The following DNAH17 variants were observed in gnomAD, a reference collection of about 807,000 sequenced individuals.
DNAH17 encodes the protein axonemal beta dynein heavy chain 17.
DNAH17 carries 376 observed loss-of-function variants against 485.6 expected under a neutral mutation model. The observed-to-expected ratio is 0.77, with a 90% confidence interval of 0.71 to 0.84. DNAH17 has a LOEUF of 0.84. Ranked by LOEUF, DNAH17 falls within the 40% of genes least tolerant of loss-of-function variation. The probability of loss-of-function intolerance (pLI) is 0.00; values close to 1 mark genes in which losing one functional copy is unlikely to be tolerated. For missense variants in DNAH17, 6,370 were observed against 5,839.3 expected, an observed-to-expected ratio of 1.09 and a Z score of -2.96; for synonymous variants, 3,031 against 2,405.9, an observed-to-expected ratio of 1.26 and a Z score of -7.60.
intron 26 of DNAH17, among the ~76,000 whole-genome samples, chr17:78,512,669 C>T (rs147461164): frequency 5.5e-4 from 83 of 152,186 alleles, no homozygotes; most frequent in African/African-American, 1.7e-3. Flanking sequence ...AGGCCAGGTG[C>T]GGTGGCTCAC....
chr17:78,577,076 A>T (rs12451755), intron 1 of DNAH17, among the ~76,000 whole-genome samples: 35,388 of 152,100 alleles, frequency 0.23, 5,136 homozygotes, highest in East Asian at 0.59. Context: ...AGGAGCAGGG[A>T]AGAGTCTGGA....
chr17:78,508,636 G>A (rs2143049920), intron 27 of DNAH17, among the ~76,000 whole-genome samples: 1 of 152,270 alleles, frequency 6.6e-6, no homozygotes, highest in East Asian at 1.9e-4. Context: ...TGAAAGTGTG[G>A]AAGAGGGGGA....
intron 17 of DNAH17, 166 bp downstream of exon 17, chr17:78,543,691 C>G (rs914633357): frequency 9.8e-7 from 1 of 1,024,820 alleles, no homozygotes; most frequent in African/African-American, 1.6e-5. Flanking sequence ...TCCCAGAGTG[C>G]TGGGATTACA....
chr17:78,469,838 T>C (rs1015247506), intron 54 of DNAH17, among the ~76,000 whole-genome samples: 5 of 152,056 alleles, frequency 3.3e-5, no homozygotes, highest in African/African-American at 1.2e-4. Context: ...ACAAATACCG[T>C]GTGATTCCAC....
At chr17:78,440,652 T>TCCC (rs1221165601) in intron 72 of DNAH17, among the ~76,000 whole-genome samples, 6 of 152,170 alleles carry the variant, frequency 3.9e-5, no homozygotes, top group Non-Finnish European at 7.4e-5. Flanking sequence ...TTAATGGACA[T>TCCC]TTGGGTTGTT....
chr17:78,468,767 C>T lies in DNAH17; in HGVS notation c.8628G>A (p.Leu2876=), dbSNP rs752951670. Residue 2876 remains leucine (L), a synonymous_variant, in exon 55 of 81, where the codon CTG becomes CTA. Coordinates refer to ENST00000389840, the MANE Select transcript of DNAH17 (RefSeq NM_173628.4). ...EQFLVLINDL[L]ASGEIPGLFM... ...ACAGCCCAGGGATCTCTCCTGAGGCCAGCAGGTCATTGATCAGCACCAGAA... is the reference window on the plus strand; with the variant it reads ...ACAGCCCAGGGATCTCTCCTGAGGCTAGCAGGTCATTGATCAGCACCAGAA... The T allele has an allele frequency of 1.4e-5, 23 of 1,613,940 alleles. No individual in the cohort carries two copies. Among genetic ancestry groups the T allele is most frequent in the Non-Finnish European group, 1.7e-5 (20 of 1,179,912 alleles).
chr17:78,461,577 G>C lies in DNAH17; in HGVS notation c.9306C>G (p.Asp3102Glu). 1 of 1,602,222 alleles carries C rather than the reference G, an allele frequency of 6.2e-7. No homozygotes were observed. The highest frequency in any genetic ancestry group is 8.5e-7 in the Non-Finnish European group (1 of 1,175,428). Residue 3102 changes from aspartate to glutamate, a missense_variant, in exon 58 of 81, where the codon GAC becomes GAG. By Grantham distance (45) the Asp-to-Glu change is conservative (BLOSUM62 2). Transcript: ENST00000389840. ...EKVSKEKAIA[D>E]QEEVKVEVIN... is the part of the protein sequence containing the mutation. ...TGACCTCGACCTTGACTTCTTCCTGGTCAGCAATGGCCTTCTCTTTGCTGA... is the reference window on the plus strand; with the variant it reads ...TGACCTCGACCTTGACTTCTTCCTGCTCAGCAATGGCCTTCTCTTTGCTGA...
rs764191729 is a variant in DNAH17 at position 78,494,828 on chromosome 17, C to T, written c.6043-8G>A. On this transcript the variant is annotated splice_polypyrimidine_tract_variant and splice_region_variant and intron_variant, in intron 39 of 80. Coordinates refer to ENST00000389840, the MANE Select transcript of DNAH17 (RefSeq NM_173628.4). ...GCCCCAGTCGTAATGATCCTGCGGGCAGTGGGCACAGGTGGGCAGACGTGA... is the reference window on the plus strand; with the variant it reads ...GCCCCAGTCGTAATGATCCTGCGGGTAGTGGGCACAGGTGGGCAGACGTGA... 1 of 1,594,846 alleles carries T rather than the reference C, an allele frequency of 6.3e-7. No homozygotes were observed. Among genetic ancestry groups the T allele is most frequent in the African/African-American group, 1.3e-5 (1 of 74,694 alleles).
chr17:78,560,996 C>T lies in DNAH17; in HGVS notation c.1836-61G>A, dbSNP rs540658558. 96 of 1,471,936 alleles carry T rather than the reference C, an allele frequency of 6.5e-5. 1 individual carries two copies. Among genetic ancestry groups the T allele is most frequent in the South Asian group, 3.5e-4 (28 of 79,976 alleles). 91.2% of individuals were successfully genotyped at this position (1,471,936 alleles called of 1,614,324 possible). On this transcript the variant is annotated intron_variant, in intron 12 of 80. Transcript: ENST00000389840. ...TATCTCCTGTGGGGTGTCTTCGGCA[C>T]GTCCCATCGTTGCTGCCCGATCTGG...
intron 11 of DNAH17, 126 bp downstream of exon 11, chr17:78,566,488 G>A: frequency 2.9e-6 from 2 of 701,502 alleles, no homozygotes; most frequent in East Asian, 5.5e-5. Flanking sequence ...CAGGAGACGG[G>A]CCCTCCCTCC....
Position 78,427,229 on chromosome 17 carries a change from A to G in DNAH17, c.12589-121T>C, listed in dbSNP as rs1157577927. On this transcript the variant is annotated intron_variant, in intron 77 of 80. Coordinates refer to ENST00000389840, the MANE Select transcript of DNAH17 (RefSeq NM_173628.4). ...AGTCCTGGAGAGGAGGGAAGAGGCA[A>G]GTAGAGTTGCCAGAAATGCAGGGTC... is the stretch of plus-strand genomic sequence containing the variant. 2.0e-5 allele frequency: 20 copies of G among 996,808 alleles called. No individual in the cohort carries two copies. The Middle Eastern group carries it at 1.3e-3, about 62-fold the overall frequency. 61.7% of individuals were successfully genotyped at this position (996,808 alleles called of 1,614,324 possible). A position where few individuals can be genotyped will look rare whatever the true frequency, so the allele number is the denominator to read the frequency against.
At chr17:78,561,627 G>A (rs1568258293) in intron 12 of DNAH17, 88 bp downstream of exon 12, 3 of 1,432,134 alleles carry the variant, frequency 2.1e-6, no homozygotes, top group African/African-American at 1.4e-5. Context: ...GACAGGAGGG[G>A]TGGTCCCGCT....
intron 19 of DNAH17, among the ~76,000 whole-genome samples, chr17:78,533,799 C>T (rs1010949755): frequency 1.1e-4 from 17 of 152,172 alleles, no homozygotes; most frequent in African/African-American, 3.9e-4. Flanking sequence ...ATTCTCCTGC[C>T]TCAGCCTCCC....
At chr17:78,506,997 G>T (rs1240890267) in intron 29 of DNAH17, among the ~76,000 whole-genome samples, 151 bp from the exon 30 acceptor site, 1 of 152,154 alleles carries the variant, frequency 6.6e-6, no homozygotes, top group Non-Finnish European at 1.5e-5. Context: ...CCTACCGGAG[G>T]CTCTCGTTTC....
Position 78,501,730 on chromosome 17 carries a change from G to C in DNAH17, c.5322+12C>G, listed in dbSNP as rs749917722. On this transcript the variant is annotated intron_variant, in intron 34 of 80. Coordinates refer to ENST00000389840, the MANE Select transcript of DNAH17 (RefSeq NM_173628.4). ...GCCCTTCCCCTGGCCCCTGGGACAG[G>C]GGCGCTCATGCCTTGGCCACGATCA... The C allele has an allele frequency of 6.2e-7, 1 of 1,611,226 alleles. No individual in the cohort carries two copies. The highest frequency in any genetic ancestry group is 8.5e-7 in the Non-Finnish European group (1 of 1,179,548).
At position 78,460,156 on chromosome 17, in the gene DNAH17, C is replaced by A; in HGVS notation, c.9435+6G>T. 1 of 1,602,124 alleles carries A rather than the reference C, an allele frequency of 6.2e-7. No homozygotes were observed. Among genetic ancestry groups the A allele is most frequent in the East Asian group, 2.2e-5 (1 of 44,666 alleles). On this transcript the variant is annotated splice_donor_region_variant and intron_variant, in intron 59 of 80. Coordinates refer to ENST00000389840, the MANE Select transcript of DNAH17 (RefSeq NM_173628.4). ...AGGGGTCCCCTTTCTTTCCCTCCCC[C>A]TTTACCTTATTCAGAGTGTCCAGAG... is the stretch of plus-strand genomic sequence containing the variant.
At position 78,475,398 on chromosome 17, in the gene DNAH17, G is replaced by C. The variant is rs1429905116; in HGVS notation, c.8391C>G (p.Ala2797=). The change falls in exon 54 of 81, where the codon GCC becomes GCG. Residue 2797 remains alanine (A), a synonymous_variant. Coordinates refer to ENST00000389840, the MANE Select transcript of DNAH17 (RefSeq NM_173628.4). ...CACTGCCGCCCACCCCCACCAGCAG[G>C]GCATTCCCCCGGGGAGACTCCAGGA... ...NRILESPRGN[A]LLVGVGGSGK... 6.2e-7 allele frequency: 1 copy of C among 1,613,912 alleles called. No individual in the cohort carries two copies. Among genetic ancestry groups the C allele is most frequent in the Non-Finnish European group, 8.5e-7 (1 of 1,179,884 alleles).
chr17:78,457,398 AAAAC>A (rs1201030517), intron 62 of DNAH17, among the ~76,000 whole-genome samples: 2 of 152,162 alleles, frequency 1.3e-5, no homozygotes, highest in African/African-American at 2.4e-5. Flanking sequence ...ACAAAACAAA[AAAAC>A]AAAAAAAGAC....
At chr17:78,479,694 G>A (rs1253255474) in intron 49 of DNAH17, 62 bp from the exon 50 acceptor site, 34 of 1,597,664 alleles carry the variant, frequency 2.1e-5, no homozygotes, top group Non-Finnish European at 2.5e-5. Flanking sequence ...TGGGGCCAGG[G>A]CCACCTTCGC....
Sources: gnomAD v4.1 joint callset for allele counts (sites outside exome capture counted in the v4.1 genomes callset) on GRCh38, gnomAD v4.1.1 for gene constraint, MANE v1.5 for transcripts, NCBI Gene and HGNC (gene_info 2026-07-23, HGNC 2026-07-21) for gene names.